SLC8A1: variants seen among roughly 807,000 people sequenced by gnomAD.
SLC8A1 encodes the protein solute carrier family 8 member A1.
In SLC8A1, 18 loss-of-function variants were observed where a neutral mutation model predicts 68.3. The observed-to-expected ratio is 0.26, with a 90% CI of 0.18 to 0.39. The LOEUF is 0.39. SLC8A1 is among the 10% of genes least tolerant of loss of function. The pLI, the probability that SLC8A1 is intolerant of heterozygous loss-of-function variation, is 1.00. For missense variants in SLC8A1, 985 were observed against 1,156.7 expected, an observed-to-expected ratio of 0.85 and a Z score of 2.15; for synonymous variants, 475 against 415.5, an observed-to-expected ratio of 1.14 and a Z score of -1.74.
At chr2:40,345,019 T>C (rs180765702) in intron 2 of SLC8A1, among the ~76,000 whole-genome samples, 19 of 152,264 alleles carry the variant, frequency 1.2e-4, no homozygotes, top group African/African-American at 4.6e-4. Context: ...TTTCAAAAAG[T>C]GACAAGAGGC....
chr2:40,463,249 C>G (rs767269541), intron 1 of SLC8A1, among the ~76,000 whole-genome samples: 6 of 152,070 alleles, frequency 3.9e-5, no homozygotes, highest in Non-Finnish European at 8.8e-5. Context: ...ACAAAAGCAG[C>G]TTCGGACACA....
chr2:40,502,331 G>T (rs957835330), intron 1 of SLC8A1, among the ~76,000 whole-genome samples: 1 of 151,824 alleles, frequency 6.6e-6, no homozygotes, highest in Admixed American at 6.6e-5. Flanking sequence ...TGCGGACTAT[G>T]GTCTGGTTTT....
intron 2 of SLC8A1, among the ~76,000 whole-genome samples, chr2:40,186,033 A>C (rs889486575): frequency 2.0e-5 from 3 of 152,152 alleles, no homozygotes; most frequent in African/African-American, 7.2e-5. Flanking sequence ...AGGATCAAGG[A>C]CTAAGTTGTA....
chr2:40,387,674 A>G (rs1200975805), intron 2 of SLC8A1, among the ~76,000 whole-genome samples: 1 of 151,390 alleles, frequency 6.6e-6, no homozygotes, highest in East Asian at 1.9e-4. Context: ...GTGGTGGCTC[A>G]TGCCTGTAAT....
intron 2 of SLC8A1, among the ~76,000 whole-genome samples, chr2:40,301,934 C>T (rs1184164520): frequency 6.6e-6 from 1 of 151,990 alleles, no homozygotes; most frequent in African/African-American, 2.4e-5. Context: ...ACAATCGCAG[C>T]TCACTGCAAC....
intron 2 of SLC8A1, among the ~76,000 whole-genome samples, chr2:40,187,818 A>G (rs1049839426): frequency 1.3e-5 from 2 of 152,198 alleles, no homozygotes; most frequent in African/African-American, 4.8e-5. Context: ...GTTCTATGCT[A>G]TTATGGTAGG....
chr2:40,381,401 T>C (rs1681740597), intron 2 of SLC8A1, among the ~76,000 whole-genome samples: 1 of 152,098 alleles, frequency 6.6e-6, no homozygotes, highest in African/African-American at 2.4e-5. Context: ...TAGAGATTCC[T>C]GTGGGACAAA....
intron 1 of SLC8A1, among the ~76,000 whole-genome samples, chr2:40,444,677 T>C (rs10174890): frequency 3.3e-5 from 5 of 152,220 alleles, no homozygotes; most frequent in African/African-American, 4.8e-5. Context: ...TCTTACCTTT[T>C]AAAATTACTG....
At chr2:40,477,079 C>G (rs1343557207) in intron 1 of SLC8A1, among the ~76,000 whole-genome samples, 1 of 152,004 alleles carries the variant, frequency 6.6e-6, no homozygotes, top group East Asian at 1.9e-4. Context: ...ATAATACTGT[C>G]CACGACAATG....
intron 2 of SLC8A1, among the ~76,000 whole-genome samples, chr2:40,260,231 A>T (rs1221391791): frequency 6.6e-6 from 1 of 152,114 alleles, no homozygotes; most frequent in East Asian, 1.9e-4. Context: ...CAACCTGTTC[A>T]TTTAACTCTG....
intron 1 of SLC8A1, among the ~76,000 whole-genome samples, chr2:40,463,282 T>G (rs550781651): frequency 5.3e-4 from 80 of 152,268 alleles, no homozygotes; most frequent in Non-Finnish European, 2.2e-4. Flanking sequence ...TGAGATGCAG[T>G]TGAGGAACTG....
chr2:40,407,452 C>T (rs1052245615), intron 2 of SLC8A1, among the ~76,000 whole-genome samples: 2 of 152,192 alleles, frequency 1.3e-5, no homozygotes, highest in African/African-American at 2.4e-5. Context: ...CTTCTTCAAA[C>T]GTCAGTGGTT....
At chr2:40,277,546 A>G (rs2066885241) in intron 2 of SLC8A1, among the ~76,000 whole-genome samples, 1 of 152,038 alleles carries the variant, frequency 6.6e-6, no homozygotes, top group African/African-American at 2.4e-5. Context: ...TCTCAAGAAA[A>G]AAAACCAAAA....
chr2:40,429,755 C>A (rs1182819646), exon 2 of SLC8A1: 1 of 1,613,686 alleles, frequency 6.2e-7, no homozygotes, highest in East Asian at 2.2e-5. Context: ...ATATTGAATG[C>A]AGCACTTCCC....
At chr2:40,393,535 T>A (rs1685969307) in intron 2 of SLC8A1, among the ~76,000 whole-genome samples, 1 of 152,188 alleles carries the variant, frequency 6.6e-6, no homozygotes, top group Non-Finnish European at 1.5e-5. Context: ...AAAAGATTAT[T>A]ACATTCTTAT....
chr2:40,228,723 T>C (rs1312851519), intron 2 of SLC8A1, among the ~76,000 whole-genome samples: 3 of 152,184 alleles, frequency 2.0e-5, no homozygotes, highest in Non-Finnish European at 2.9e-5. Context: ...GCAGAAATGG[T>C]AGGCGAGCCT....
chr2:40,457,608 G>T (rs528678924), intron 1 of SLC8A1, among the ~76,000 whole-genome samples: 2 of 152,206 alleles, frequency 1.3e-5, no homozygotes, highest in East Asian at 3.9e-4. Context: ...GTATGCTCTC[G>T]TCTCTTTAAA....
intron 2 of SLC8A1, among the ~76,000 whole-genome samples, chr2:40,262,675 A>T (rs2064864263): frequency 6.6e-6 from 1 of 152,238 alleles, no homozygotes; most frequent in Admixed American, 6.5e-5. Flanking sequence ...ACTGTTCTTG[A>T]TTCATGATAG....
intron 1 of SLC8A1, among the ~76,000 whole-genome samples, chr2:40,440,840 C>G (rs1034417881): frequency 1.3e-5 from 2 of 152,156 alleles, no homozygotes; most frequent in African/African-American, 4.8e-5. Flanking sequence ...TGGGCAAAAG[C>G]TGGAAGCATT....
Sources: allele counts gnomAD v4.1 joint callset (sites outside exome capture counted in the v4.1 genomes callset), GRCh38; gene constraint gnomAD v4.1.1; transcripts MANE v1.5; gene names NCBI Gene and HGNC (gene_info 2026-07-23, HGNC 2026-07-21).